The following MAD1L1 variants were observed in gnomAD, a reference collection of about 807,000 sequenced individuals.
MAD1L1 encodes mitotic spindle assembly checkpoint protein MAD1.
A neutral mutation model predicts 96.9 loss-of-function variants in MAD1L1; 95 were observed. The observed-to-expected ratio is 0.98, with a 90% CI of 0.83 to 1.16. The LOEUF is 1.16. MAD1L1 is among the 50% of genes most tolerant of loss of function. The probability of loss-of-function intolerance (pLI) is 0.00; values close to 1 mark genes in which losing one functional copy is unlikely to be tolerated. For synonymous variants in MAD1L1, 473 were observed against 396.6 expected (o/e 1.19, Z -2.29); for missense variants, 1,007 against 954.4 (o/e 1.06, Z -0.73).
rs6951493 is a variant in MAD1L1, at chr7:2,217,977, G to C, written c.663C>G (p.His221Gln). 3 of 1,613,404 alleles carry C rather than the reference G, an allele frequency of 1.9e-6. No individual in the cohort carries two copies. The highest frequency in any genetic ancestry group is 2.5e-6 in the Non-Finnish European group (3 of 1,179,578). ...AGTGACTCACCTTAATCTGCTGCTCGTGGTCTGCTCTTGCTTCTTGGCTGG... is the reference window on the plus strand; with the variant it reads ...AGTGACTCACCTTAATCTGCTGCTCCTGGTCTGCTCTTGCTTCTTGGCTGG... ...LQASQEARAD[H>Q]EQQIKDLEQK... is the part of the protein sequence containing the mutation. The change falls in exon 7 of 19, where the codon CAC becomes CAG. Residue 221 changes from histidine to glutamine, a missense_variant. Coordinates refer to ENST00000265854, the MANE Select transcript of MAD1L1 (RefSeq NM_001013836.2).
chr7:1,853,851 G>C (rs1784104543), intron 18 of MAD1L1, among the ~76,000 whole-genome samples: 1 of 152,132 alleles, frequency 6.6e-6, no homozygotes, highest in African/African-American at 2.4e-5. Context: ...GGGAGGACCG[G>C]GCAGGCCCCA....
chr7:2,230,056 C>T lies in MAD1L1; in HGVS notation c.78G>A (p.Glu26=). The change falls in exon 3 of 19, where the codon GAG becomes GAA. Residue 26 remains glutamate, a synonymous_variant. Transcript: ENST00000265854. ...SLNNFISQRV[E]GGSGLDISTS... ...TAGAAATATCCAGTCCAGAGCCTCC[C>T]TCCACACGCTGAGAGATGAAGTTGT... 3 of 1,613,566 alleles carry T rather than the reference C, an allele frequency of 1.9e-6. No homozygotes were observed. The highest frequency in any genetic ancestry group is 2.5e-6 in the Non-Finnish European group (3 of 1,179,826).
intron 12 of MAD1L1, among the ~76,000 whole-genome samples, chr7:2,024,421 T>C (rs916473963): frequency 1.5e-4 from 23 of 152,216 alleles, no homozygotes; most frequent in African/African-American, 5.3e-4. Context: ...GGCAGCTGCA[T>C]ACTTCCCCTG....
chr7:2,053,451 G>A (rs986029079), intron 12 of MAD1L1, among the ~76,000 whole-genome samples: 41 of 152,338 alleles, frequency 2.7e-4, no homozygotes, highest in Non-Finnish European at 4.1e-4. Context: ...TGTGCCAGCC[G>A]CCGGTGAACA....
chr7:1,993,345 G>T (rs1349461275), intron 14 of MAD1L1, among the ~76,000 whole-genome samples: 1 of 152,210 alleles, frequency 6.6e-6, no homozygotes, highest in South Asian at 2.1e-4. Flanking sequence ...GCCTTCCCAT[G>T]TCAGTCCGCA....
At chr7:2,124,517 G>A (rs1788137770) in intron 11 of MAD1L1, among the ~76,000 whole-genome samples, 2 of 152,222 alleles carry the variant, frequency 1.3e-5, no homozygotes, top group Admixed American at 1.3e-4. Flanking sequence ...CAGCCGGCCT[G>A]CATGTGGCCC....
At chr7:2,057,247 C>T (rs1402213540) in intron 12 of MAD1L1, among the ~76,000 whole-genome samples, 5 of 152,222 alleles carry the variant, frequency 3.3e-5, no homozygotes, top group South Asian at 2.1e-4. Context: ...GGGGAATGAC[C>T]GAGCGCGGTG....
rs564401537 is a variant in MAD1L1, at chr7:2,211,915, G to C, written c.986+1297C>G. 9.8e-5 allele frequency among the ~76,000 whole-genome samples: 15 copies of C among 152,346 alleles called. No individual in the cohort carries two copies. In the South Asian group the frequency reaches 2.1e-3, roughly 21 times the overall value. On this transcript the variant is annotated intron_variant, in intron 10 of 18. Transcript: ENST00000265854. ...CAGCAGGAAAGACAGGCAAGAAGCG[G>C]GAAGCCTTGAAATCTCACAAGCAAA...
chr7:1,912,711 C>T (rs570376290), intron 17 of MAD1L1, among the ~76,000 whole-genome samples: 1 of 152,340 alleles, frequency 6.6e-6, no homozygotes, highest in Admixed American at 6.5e-5. Context: ...GAGCCCACCG[C>T]GCACGCACCT....
At chr7:2,173,852 G>A (rs534582113) in intron 10 of MAD1L1, among the ~76,000 whole-genome samples, 1 of 152,326 alleles carries the variant, frequency 6.6e-6, no homozygotes, top group African/African-American at 2.4e-5. Context: ...AGGCTGGGGT[G>A]CAGTGGTATG....
intron 10 of MAD1L1, among the ~76,000 whole-genome samples, chr7:2,149,885 G>C (rs1789485882): frequency 2.0e-5 from 3 of 152,228 alleles, no homozygotes; most frequent in Non-Finnish European, 2.9e-5. Flanking sequence ...GCAAGGATCT[G>C]AGCCATGCAT....
chr7:1,996,196 C>G (rs1781548202), intron 14 of MAD1L1, among the ~76,000 whole-genome samples: 1 of 148,278 alleles, frequency 6.7e-6, no homozygotes, highest in Non-Finnish European at 1.5e-5. Context: ...GGGCAGGGTC[C>G]CCCCGGGTCT....
At chr7:2,138,196 T>A (rs1406550470) in intron 11 of MAD1L1, among the ~76,000 whole-genome samples, 3 of 152,146 alleles carry the variant, frequency 2.0e-5, no homozygotes, top group African/African-American at 7.2e-5. Context: ...AGCTTTTTTT[T>A]AACTTGCTAA....
chr7:2,213,791 G>T (rs10252533), intron 9 of MAD1L1, among the ~76,000 whole-genome samples: 1 of 152,078 alleles, frequency 6.6e-6, no homozygotes, highest in African/African-American at 2.4e-5. Flanking sequence ...GGGAGGGTGA[G>T]ACACTGCCTA....
chr7:2,213,062 A>G (rs757324321), intron 10 of MAD1L1, 150 bp downstream of exon 10: 21 of 735,832 alleles, frequency 2.9e-5, no homozygotes, highest in Non-Finnish European at 3.8e-5. Flanking sequence ...GAAAGGCCTC[A>G]TTAAACCTGA....
chr7:2,046,934 C>T (rs1242831694), intron 12 of MAD1L1, among the ~76,000 whole-genome samples: 2 of 152,236 alleles, frequency 1.3e-5, no homozygotes, highest in African/African-American at 2.4e-5. Context: ...GCGCACACAA[C>T]ACCCCCTGGG....
At chr7:2,046,654 C>T (rs1039379509) in intron 12 of MAD1L1, among the ~76,000 whole-genome samples, 3 of 152,232 alleles carry the variant, frequency 2.0e-5, no homozygotes, top group Admixed American at 1.3e-4. Flanking sequence ...CCCGCCTGCC[C>T]TACACTAAGC....
intron 15 of MAD1L1, among the ~76,000 whole-genome samples, chr7:1,978,354 T>G (rs1780741003): frequency 6.6e-6 from 1 of 152,200 alleles, no homozygotes; most frequent in Non-Finnish European, 1.5e-5. Flanking sequence ...AGTCAGGGTG[T>G]GTGTGGGAGG....
intron 10 of MAD1L1, among the ~76,000 whole-genome samples, chr7:2,177,512 A>T (rs1009550568): frequency 6.6e-6 from 1 of 152,154 alleles, no homozygotes; most frequent in African/African-American, 2.4e-5. Context: ...ACATCCACTG[A>T]CTTCTTTGAA....
Sources: allele counts gnomAD v4.1 joint callset (sites outside exome capture counted in the v4.1 genomes callset), GRCh38; gene constraint gnomAD v4.1.1; transcripts MANE v1.5; gene names NCBI Gene and HGNC (gene_info 2026-07-23, HGNC 2026-07-21).